Variants in FAM83F observed in about 807,000 individuals in gnomAD.
The protein encoded by FAM83F is scaffolding CK1 anchoring protein F.
FAM83F carries 45 observed loss-of-function variants against 42.9 expected under a neutral mutation model. The ratio of observed to expected loss-of-function variants is 1.05; its 90% CI spans 0.83 to 1.35. The LOEUF is 1.35. Among genes scored for constraint, FAM83F ranks in the 40% most tolerant of loss-of-function variants. The probability of loss-of-function intolerance (pLI) is 0.00; values close to 1 mark genes in which losing one functional copy is unlikely to be tolerated. For synonymous variants in FAM83F, 306 were observed against 298.3 expected (o/e 1.03, Z -0.27); for missense variants, 617 against 695.9 (o/e 0.89, Z 1.28).
intron 4 of FAM83F, among the ~76,000 whole-genome samples, chr22:40,028,578 T>C (rs2067568047): frequency 6.6e-6 from 1 of 151,822 alleles, no homozygotes; most frequent in African/African-American, 2.4e-5. Context: ...GCCTCGCTAC[T>C]CCCCTGCACT....
chr22:40,017,240 T>C (rs2067497357), intron 1 of FAM83F, among the ~76,000 whole-genome samples: 1 of 149,596 alleles, frequency 6.7e-6, no homozygotes, highest in Non-Finnish European at 1.5e-5. Flanking sequence ...TTTTTTTTTT[T>C]TTTTTGAGAC....
rs1053270292 is a variant in FAM83F, at chr22:40,040,014, G to A, written c.*10449G>A. ...TAGGATAAGAAAATAGAGAAGAAAG[G>A]GAAGGAAGCTATTTGAAGGGAGTGG... On this transcript the variant is annotated 3_prime_UTR_variant, in exon 5 of 5. Coordinates refer to ENST00000333407, the MANE Select transcript of FAM83F (RefSeq NM_138435.4). 1.6e-4 allele frequency: 24 copies of A among 152,224 alleles called. No individual in the cohort carries two copies. Among genetic ancestry groups the A allele is most frequent in the African/African-American group, 4.3e-4 (18 of 41,440 alleles). The allele number at this position is 152,224 out of a possible 1,614,324, so 9.4% of individuals were successfully genotyped here.
intron 1 of FAM83F, among the ~76,000 whole-genome samples, chr22:40,018,653 C>T (rs1462811662): frequency 1.0e-4 from 15 of 149,838 alleles, no homozygotes; most frequent in African/African-American, 1.7e-4. Flanking sequence ...AGTGCAACGG[C>T]GCAATCTTGG....
At chr22:40,022,502 C>T (rs545059001) in intron 4 of FAM83F, among the ~76,000 whole-genome samples, 57 of 152,258 alleles carry the variant, frequency 3.7e-4, no homozygotes, top group African/African-American at 1.3e-3. Context: ...GGTGCCCTGA[C>T]CCAGTTTCCT....
At chr22:40,000,038 C>T (rs2067391194) in intron 1 of FAM83F, among the ~76,000 whole-genome samples, 1 of 152,138 alleles carries the variant, frequency 6.6e-6, no homozygotes, top group African/African-American at 2.4e-5. Context: ...GTTTCCTTTC[C>T]GGTACCCGAA....
chr22:40,003,989 G>A (rs2145709281), intron 1 of FAM83F, among the ~76,000 whole-genome samples: 1 of 152,254 alleles, frequency 6.6e-6, no homozygotes, highest in African/African-American at 2.4e-5. Flanking sequence ...GTGGGCCATT[G>A]AGGACAGACT....
At chr22:40,005,404 C>T (rs1371501961) in intron 1 of FAM83F, among the ~76,000 whole-genome samples, 1 of 152,230 alleles carries the variant, frequency 6.6e-6, no homozygotes, top group East Asian at 1.9e-4. Flanking sequence ...CACTAATTAA[C>T]ACCAACTTAG....
chr22:40,028,602 C>T (rs1244094413), intron 4 of FAM83F, among the ~76,000 whole-genome samples: 1 of 152,140 alleles, frequency 6.6e-6, no homozygotes, highest in African/African-American at 2.4e-5. Flanking sequence ...TCCGGAGGTC[C>T]GAGAGCAGGA....
At chr22:40,006,483 C>T (rs1032691189) in intron 1 of FAM83F, among the ~76,000 whole-genome samples, 3 of 152,206 alleles carry the variant, frequency 2.0e-5, no homozygotes, top group Admixed American at 2.0e-4. Context: ...ACACACTACA[C>T]TGGGGACTGA....
Position 40,042,251 on chromosome 22 carries a change from G to C in FAM83F, c.*12686G>C, listed in dbSNP as rs555232157. 6.6e-6 allele frequency: 1 copy of C among 152,196 alleles called. No homozygotes were observed. The highest frequency in any genetic ancestry group is 2.1e-4 in the South Asian group (1 of 4,824). The allele number at this position is 152,196 out of a possible 1,614,324, so 9.4% of individuals were successfully genotyped here. ...GTGGGCAAATAGGAGAAGGTTTCAG[G>C]CATTTGTTTTGTCTCTGGGAGGGAA... On this transcript the variant is annotated 3_prime_UTR_variant, in exon 5 of 5. Coordinates refer to ENST00000333407, the MANE Select transcript of FAM83F (RefSeq NM_138435.4).
chr22:40,021,906 G>T lies in FAM83F; in HGVS notation c.1396G>T (p.Glu466Ter). 1 of 1,589,872 alleles carries T rather than the reference G, an allele frequency of 6.3e-7. No homozygotes were observed. The change falls in exon 4 of 5, where the codon GAA becomes TAA. Residue 466 changes from glutamate (E) to a stop codon, truncating the protein, a stop_gained. Coordinates refer to ENST00000333407, the MANE Select transcript of FAM83F (RefSeq NM_138435.4). LOFTEE classifies it high-confidence loss of function. This position sits in a 1 kb window ranked among gnomAD's most constrained non-coding sequence, Gnocchi z 8.7. ...MASSVSTETS[E>*]VEFLTGKRPN... ...CAGCTCTGTCTCCACCGAGACCTCTGAAGTGGAGTTTCTGACGGGGAAGAG... is the reference window on the plus strand; with the variant it reads ...CAGCTCTGTCTCCACCGAGACCTCTTAAGTGGAGTTTCTGACGGGGAAGAG...
intron 4 of FAM83F, among the ~76,000 whole-genome samples, chr22:40,028,580 C>G (rs139360394): frequency 6.6e-6 from 1 of 152,288 alleles, no homozygotes; most frequent in African/African-American, 2.4e-5. Context: ...CTCGCTACTC[C>G]CCTGCACTCC....
At chr22:40,006,963 T>G (rs780652566) in intron 1 of FAM83F, among the ~76,000 whole-genome samples, 1 of 152,144 alleles carries the variant, frequency 6.6e-6, no homozygotes, top group Non-Finnish European at 1.5e-5. Context: ...CAAGATTTTA[T>G]CTAGGCTTGA....
intron 1 of FAM83F, among the ~76,000 whole-genome samples, chr22:40,013,305 A>G (rs2067477101): frequency 6.6e-6 from 1 of 152,152 alleles, no homozygotes; most frequent in South Asian, 2.1e-4. Context: ...GTAGGGATGG[A>G]TCCACCTCTA....
Position 40,021,606 on chromosome 22 carries a change from G to A in FAM83F, c.1096G>A (p.Glu366Lys), listed in dbSNP as rs199712785. ...GCAGGAGGAGGGCGCCAGCGGTGGC[G>A]AGTCGGCCTGGCGCCTGGAGAGCTT... Reference protein sequence around the residue: ...EGQEEGASGGESAWRLESFLK... With the variant: ...EGQEEGASGGKSAWRLESFLK... The change falls in exon 4 of 5, where the codon GAG (glutamate) becomes AAG (lysine). Residue 366 changes from glutamate (E) to lysine (K), a missense_variant. Transcript: ENST00000333407. This position sits in a 1 kb window ranked among gnomAD's most constrained non-coding sequence, Gnocchi z 8.7. The A allele has an allele frequency of 1.5e-5, 24 of 1,582,134 alleles. No homozygotes were observed. The highest frequency in any genetic ancestry group is 1.9e-5 in the Non-Finnish European group (22 of 1,159,184).
chr22:39,995,434 GCGTGAGC>G lies in FAM83F; in HGVS notation c.395_401del (p.Val132GlyfsTer24). The G allele has an allele frequency of 6.4e-7, 1 of 1,555,582 alleles. No homozygotes were observed. Among genetic ancestry groups the G allele is most frequent in the African/African-American group, 1.4e-5 (1 of 73,344 alleles). ...TGGACGGACACTGGTTTCTACCGCGGCGTGAGCCGGGTCACGCTCTTCACCCACCCGC... is the reference window on the plus strand; with the variant it reads ...TGGACGGACACTGGTTTCTACCGCGGCGGGTCACGCTCTTCACCCACCCGC... On this transcript the variant is annotated frameshift_variant, in exon 1 of 5. Coordinates refer to ENST00000333407, the MANE Select transcript of FAM83F (RefSeq NM_138435.4). LOFTEE classifies it high-confidence loss of function. The surrounding 1 kb of genome is among the most constrained non-coding windows in gnomAD (Gnocchi z 4.6).
Position 40,040,477 on chromosome 22 carries a change from T to C in FAM83F, c.*10912T>C, listed in dbSNP as rs755706398. Reference sequence around the variant, plus strand: ...TTATTAACCATAATCCTGGTTCTCTTGTGAGCTGCCTCCTGTGTGTCTAGC... The same window carrying C: ...TTATTAACCATAATCCTGGTTCTCTCGTGAGCTGCCTCCTGTGTGTCTAGC... On this transcript the variant is annotated 3_prime_UTR_variant, in exon 5 of 5. Coordinates refer to ENST00000333407, the MANE Select transcript of FAM83F (RefSeq NM_138435.4). 1 of 152,230 alleles carries C rather than the reference T, an allele frequency of 6.6e-6. No homozygotes were observed. The highest frequency in any genetic ancestry group is 1.5e-5 in the Non-Finnish European group (1 of 68,058). The allele number at this position is 152,230 out of a possible 1,614,324, so 9.4% of individuals were successfully genotyped here.
chr22:40,001,546 G>T (rs2067401966), intron 1 of FAM83F, among the ~76,000 whole-genome samples: 1 of 152,084 alleles, frequency 6.6e-6, no homozygotes, highest in South Asian at 2.1e-4. Flanking sequence ...GGCTGAGCTG[G>T]GTAGGTAGGA....
rs907492656 is a variant in FAM83F, at chr22:40,031,036, C to G, written c.*1471C>G. On this transcript the variant is annotated 3_prime_UTR_variant, in exon 5 of 5. Coordinates refer to ENST00000333407, the MANE Select transcript of FAM83F (RefSeq NM_138435.4). ...CGGCCATTGAGGAGATGCAATCTCT[C>G]TGGCAGTGGGGAGGGGAAGGGAAAG... The G allele has an allele frequency of 4.6e-5, 7 of 152,190 alleles. No individual in the cohort carries two copies. Among genetic ancestry groups the G allele is most frequent in the African/African-American group, 1.7e-4 (7 of 41,408 alleles). 9.4% of individuals were successfully genotyped at this position (152,190 alleles called of 1,614,324 possible).
Sources: allele counts gnomAD v4.1 joint callset (sites outside exome capture counted in the v4.1 genomes callset), GRCh38; gene constraint gnomAD v4.1.1; non-coding constraint Gnocchi (gnomAD v3.1); transcripts MANE v1.5; gene names NCBI Gene and HGNC (gene_info 2026-07-23, HGNC 2026-07-21).